SOX6: variants seen among roughly 807,000 people sequenced by gnomAD.
SOX6 encodes the protein transcription factor SOX-6.
In SOX6, 11 loss-of-function variants were observed where a neutral mutation model predicts 97.8. The observed-to-expected ratio is 0.11, with a 90% confidence interval of 0.07 to 0.19. SOX6 has a LOEUF of 0.19. Ranked by LOEUF, SOX6 falls within the 10% of genes least tolerant of loss-of-function variation. The pLI, the probability that SOX6 is intolerant of heterozygous loss-of-function variation, is 1.00. For missense variants in SOX6, 810 were observed against 1,039.5 expected (o/e 0.78, Z 3.04); for synonymous variants, 360 against 371.4 (o/e 0.97, Z 0.35).
intron 3 of SOX6, among the ~76,000 whole-genome samples, chr11:16,664,675 G>A (rs985658512): frequency 2.0e-5 from 3 of 152,084 alleles, no homozygotes; most frequent in Admixed American, 2.0e-4. Context: ...CGGAGCCAGT[G>A]GACTCGGCGG....
At chr11:16,361,573 A>T (rs11023928) in intron 1 of SOX6, among the ~76,000 whole-genome samples, 74,737 of 151,924 alleles carry the variant, frequency 0.49, 18,716 homozygotes, top group Middle Eastern at 0.56. Flanking sequence ...GCCAACTTCC[A>T]CTCAATACAC....
intron 2 of SOX6, among the ~76,000 whole-genome samples, chr11:16,727,106 T>G (rs1451861661): frequency 6.6e-6 from 1 of 152,130 alleles, no homozygotes; most frequent in Non-Finnish European, 1.5e-5. Context: ...GTGAAAAACC[T>G]CCTTGCTACC....
At chr11:16,010,805 A>G (rs996370189) in intron 13 of SOX6, among the ~76,000 whole-genome samples, 6 of 151,964 alleles carry the variant, frequency 3.9e-5, no homozygotes, top group African/African-American at 1.4e-4. Context: ...TGGCACAAAT[A>G]CAACCTCTAA....
chr11:16,711,963 T>C (rs898740188), intron 3 of SOX6, among the ~76,000 whole-genome samples: 13 of 152,122 alleles, frequency 8.5e-5, no homozygotes, highest in Admixed American at 8.5e-4. Flanking sequence ...TGAGAACAGA[T>C]GATGTTTGGT....
At chr11:16,241,186 C>T (rs896762512) in intron 3 of SOX6, among the ~76,000 whole-genome samples, 1 of 152,038 alleles carries the variant, frequency 6.6e-6, no homozygotes, top group African/African-American at 2.4e-5. Flanking sequence ...ATACCATCCA[C>T]TAATGAATAG....
intron 4 of SOX6, among the ~76,000 whole-genome samples, chr11:16,529,901 A>C (rs1861215791): frequency 6.6e-6 from 1 of 151,810 alleles, no homozygotes; most frequent in South Asian, 2.1e-4. Context: ...TTTATGACCT[A>C]TTATTATTAT....
chr11:16,300,497 G>T lies in SOX6; in HGVS notation c.445+17949C>A, dbSNP rs1028623057. Among the ~76,000 whole-genome samples, 2 of 152,090 alleles carry T rather than the reference G, an allele frequency of 1.3e-5. No individual in the cohort carries two copies. The highest frequency in any genetic ancestry group is 2.9e-5 in the Non-Finnish European group (2 of 68,018). ...AGTAAATAAGCAGTGGACACAAATC[G>T]TTATCCTTACTTACAGCTGCCCCAC... On this transcript the variant is annotated intron_variant, in intron 3 of 15. Transcript: ENST00000683767. The surrounding 1 kb of genome is among the most constrained non-coding windows in gnomAD (Gnocchi z 4.1).
At chr11:16,365,670 C>T (rs1242680081) in intron 1 of SOX6, among the ~76,000 whole-genome samples, 1 of 152,108 alleles carries the variant, frequency 6.6e-6, no homozygotes, top group Non-Finnish European at 1.5e-5. Flanking sequence ...GGACTGCTGC[C>T]TGCATTTCTG....
intron 4 of SOX6, among the ~76,000 whole-genome samples, chr11:16,569,375 CA>C (rs1381505062): frequency 2.0e-5 from 3 of 152,078 alleles, no homozygotes; most frequent in African/African-American, 4.8e-5. Context: ...AAATATCAAC[CA>C]CAAAATTATC....
At chr11:16,378,535 T>C (rs1255702985) in intron 1 of SOX6, among the ~76,000 whole-genome samples, 1 of 152,062 alleles carries the variant, frequency 6.6e-6, no homozygotes, top group Non-Finnish European at 1.5e-5. Context: ...AAAATCATAG[T>C]GTTTAAAAGA....
intron 13 of SOX6, among the ~76,000 whole-genome samples, chr11:16,010,485 G>A (rs1854685764): frequency 6.6e-6 from 1 of 151,920 alleles, no homozygotes; most frequent in Non-Finnish European, 1.5e-5. Context: ...CAAAAAGGCT[G>A]GGACAGAGTA....
At chr11:16,253,277 A>C (rs947983640) in intron 3 of SOX6, among the ~76,000 whole-genome samples, 2 of 151,986 alleles carry the variant, frequency 1.3e-5, no homozygotes, top group Non-Finnish European at 2.9e-5. Context: ...TGAACCCAGG[A>C]GGCGGAGGTT....
chr11:16,161,544 A>T (rs1850749351), intron 6 of SOX6, among the ~76,000 whole-genome samples: 1 of 152,114 alleles, frequency 6.6e-6, no homozygotes, highest in African/African-American at 2.4e-5. Context: ...GCACATTCTG[A>T]AAAGGGCACA....
At chr11:16,114,580 G>T (rs1467762000) in intron 6 of SOX6, among the ~76,000 whole-genome samples, 1 of 152,138 alleles carries the variant, frequency 6.6e-6, no homozygotes, top group East Asian at 1.9e-4. Flanking sequence ...ACAAGCAATA[G>T]TTGATCTTAC....
chr11:16,031,427 C>T (rs763780256), intron 12 of SOX6: 2 of 152,188 alleles, frequency 1.3e-5, no homozygotes, highest in African/African-American at 2.4e-5. Context: ...TCTCAGCCCC[C>T]CTAGGCTGTG....
At chr11:15,998,036 T>C (rs1370943676) in intron 13 of SOX6, among the ~76,000 whole-genome samples, 1 of 151,466 alleles carries the variant, frequency 6.6e-6, no homozygotes, top group East Asian at 1.9e-4. Flanking sequence ...GCTGAGATCA[T>C]GCCACTGCAC....
chr11:16,505,161 C>A (rs1162078867), intron 4 of SOX6, among the ~76,000 whole-genome samples: 1 of 152,184 alleles, frequency 6.6e-6, no homozygotes, highest in East Asian at 1.9e-4. Flanking sequence ...TTGGAACTTT[C>A]TAGAGACTTG....
intron 12 of SOX6, among the ~76,000 whole-genome samples, chr11:16,026,469 T>C (rs571354195): frequency 1.3e-5 from 2 of 152,276 alleles, no homozygotes; most frequent in Admixed American, 1.3e-4. Flanking sequence ...GGAACACATT[T>C]TCATCTGAAT....
chr11:16,367,239 T>C (rs899061927), intron 1 of SOX6, among the ~76,000 whole-genome samples: 1 of 152,200 alleles, frequency 6.6e-6, no homozygotes, highest in Non-Finnish European at 1.5e-5. Flanking sequence ...AAGTATACTG[T>C]CTTTTTATGA....
Sources: allele counts gnomAD v4.1 joint callset (sites outside exome capture counted in the v4.1 genomes callset), GRCh38; gene constraint gnomAD v4.1.1; non-coding constraint Gnocchi (gnomAD v3.1); transcripts MANE v1.5; gene names NCBI Gene and HGNC (gene_info 2026-07-23, HGNC 2026-07-21).